The following ZNRF1 variants were observed in gnomAD, a reference collection of about 807,000 sequenced individuals.
ZNRF1 encodes the protein zinc and ring finger 1, also known as E3 ubiquitin-protein ligase ZNRF1.
Under a neutral mutation model 18.4 loss-of-function variants are expected in ZNRF1, and 3 were observed. The observed-to-expected ratio is 0.16, with a 90% CI of 0.07 to 0.42. The LOEUF is 0.42. ZNRF1 is among the 10% of genes least tolerant of loss of function. ZNRF1 has a pLI of 0.99. For synonymous variants in ZNRF1, 157 were observed against 144.2 expected (o/e 1.09, Z -0.64); for missense variants, 310 against 329.8 (o/e 0.94, Z 0.47).
At chr16:75,048,014 T>G (rs1278567059) in intron 1 of ZNRF1, among the ~76,000 whole-genome samples, 5 of 152,020 alleles carry the variant, frequency 3.3e-5, no homozygotes, top group Admixed American at 6.6e-5. Context: ...TGCAGTGGTG[T>G]GATCATGGCT....
intron 4 of ZNRF1, chr16:75,107,482 GA>G (rs1473539245): frequency 3.1e-6 from 1 of 322,454 alleles, no homozygotes; most frequent in African/African-American, 2.2e-5. Context: ...ACAAATCAGG[GA>G]CATTTGCTCT....
chr16:75,045,786 G>A (rs1232627084), intron 1 of ZNRF1, among the ~76,000 whole-genome samples: 1 of 151,064 alleles, frequency 6.6e-6, no homozygotes, highest in Admixed American at 6.6e-5. Flanking sequence ...CATGATCATG[G>A]CTCACTGCAG....
chr16:75,074,612 G>A (rs2035915281), intron 1 of ZNRF1, among the ~76,000 whole-genome samples: 1 of 152,122 alleles, frequency 6.6e-6, no homozygotes. Context: ...ACACCAAGAC[G>A]ACACGCTTGA....
chr16:75,002,801 T>A (rs1435009474), intron 1 of ZNRF1, among the ~76,000 whole-genome samples: 1 of 152,258 alleles, frequency 6.6e-6, no homozygotes, highest in Non-Finnish European at 1.5e-5. Context: ...GACTTCCCTG[T>A]GCTGTGACCC....
intron 1 of ZNRF1, among the ~76,000 whole-genome samples, chr16:75,061,365 T>G (rs60794803): frequency 6.6e-6 from 1 of 152,126 alleles, no homozygotes; most frequent in Non-Finnish European, 1.5e-5. Context: ...AATTCAATTG[T>G]TTTGGTTTTT....
rs1446388768 is a variant in ZNRF1, at chr16:75,109,943, C to T, written c.*2243C>T. ...ACCAGCAAAGCTGGCGAGGCAGGGC[C>T]CAGCCCTGAAGGAGATCTCCTTGCC... On this transcript the variant is annotated 3_prime_UTR_variant, in exon 5 of 5. Coordinates refer to ENST00000335325, the MANE Select transcript of ZNRF1 (RefSeq NM_032268.5). The T allele has an allele frequency of 6.6e-6, 1 of 152,378 alleles. No homozygotes were observed. The highest frequency in any genetic ancestry group is 6.5e-5 in the Admixed American group (1 of 15,286). 9.4% of individuals were successfully genotyped at this position (152,378 alleles called of 1,614,324 possible). A position where few individuals can be genotyped will look rare whatever the true frequency, so the allele number is the denominator to read the frequency against.
At chr16:75,007,150 A>G (rs1051086269) in intron 1 of ZNRF1, among the ~76,000 whole-genome samples, 2 of 149,498 alleles carry the variant, frequency 1.3e-5, no homozygotes, top group African/African-American at 5.0e-5. Context: ...CTCAGCCTGT[A>G]GGGCTCAAGC....
chr16:75,047,153 G>C (rs1461339431), intron 1 of ZNRF1, among the ~76,000 whole-genome samples: 1 of 152,150 alleles, frequency 6.6e-6, no homozygotes, highest in Non-Finnish European at 1.5e-5. Flanking sequence ...TTAATATGTG[G>C]ATAAATATAC....
intron 1 of ZNRF1, among the ~76,000 whole-genome samples, chr16:75,044,810 A>G (rs2035493778): frequency 6.6e-6 from 1 of 152,264 alleles, no homozygotes; most frequent in South Asian, 2.1e-4. Flanking sequence ...TGAACCATGA[A>G]TGGAATTCTT....
chr16:75,028,362 C>T lies in ZNRF1; in HGVS notation c.424+28267C>T, dbSNP rs550296714. ...AGGCTAGAGTGCAATGGCGTGATGT[C>T]GGCTCACTGCAACCTCTGTCTCCTG... On this transcript the variant is annotated intron_variant, in intron 1 of 4. Transcript: ENST00000335325. 2.0e-5 allele frequency among the ~76,000 whole-genome samples: 3 copies of T among 152,288 alleles called. No individual in the cohort carries two copies. In the South Asian group the frequency reaches 6.2e-4, roughly 32 times the overall value.
intron 1 of ZNRF1, among the ~76,000 whole-genome samples, chr16:75,082,928 A>T (rs1471211932): frequency 6.6e-6 from 1 of 152,180 alleles, no homozygotes; most frequent in Non-Finnish European, 1.5e-5. Context: ...TGTATTTTTC[A>T]TATGTTCATT....
chr16:75,007,816 C>G (rs529505400), intron 1 of ZNRF1, among the ~76,000 whole-genome samples: 1 of 152,278 alleles, frequency 6.6e-6, no homozygotes, highest in East Asian at 1.9e-4. Context: ...GAGAAATAAA[C>G]TTTGAATCCT....
intron 1 of ZNRF1, among the ~76,000 whole-genome samples, chr16:75,064,638 C>A (rs73614068): frequency 0.023 from 3,554 of 152,154 alleles, 160 homozygotes; most frequent in African/African-American, 0.082. Flanking sequence ...CTCCCAGAAC[C>A]TGCCTGGCAC....
At position 75,108,769 on chromosome 16, in the gene ZNRF1, C is replaced by T. The variant is rs186243071; in HGVS notation, c.*1069C>T. 1.8e-5 allele frequency: 7 copies of T among 380,250 alleles called. No homozygotes were observed. In the East Asian group the frequency reaches 2.6e-4, roughly 14 times the overall value. The allele number at this position is 380,250 out of a possible 1,614,324, so 23.6% of individuals were successfully genotyped here. A position where few individuals can be genotyped will look rare whatever the true frequency, so the allele number is the denominator to read the frequency against. The stretch of plus-strand genomic sequence containing the variant: ...TACAATCAAGAAATGGGGGCAAGGG[C>T]CTGCCCCCCACTCCCTCACCTACCT... On this transcript the variant is annotated 3_prime_UTR_variant, in exon 5 of 5. Transcript: ENST00000335325.
intron 1 of ZNRF1, among the ~76,000 whole-genome samples, chr16:75,058,320 T>G (rs946488150): frequency 3.9e-5 from 6 of 152,058 alleles, no homozygotes; most frequent in Non-Finnish European, 8.8e-5. Context: ...GCTGGTCCCT[T>G]GAGGTGAGCT....
At chr16:75,000,401 T>C in intron 1 of ZNRF1, 1 of 565,636 alleles carries the variant, frequency 1.8e-6, no homozygotes, top group South Asian at 1.5e-5. Context: ...CGTGTCTGGC[T>C]GAGAGCAAGT....
intron 2 of ZNRF1, among the ~76,000 whole-genome samples, chr16:75,094,425 C>G (rs576490496): frequency 6.6e-6 from 1 of 152,228 alleles, no homozygotes. Context: ...GCCTAGCATG[C>G]TGTGCATAAG....
At chr16:75,084,041 C>T (rs2145413727) in intron 1 of ZNRF1, among the ~76,000 whole-genome samples, 1 of 152,316 alleles carries the variant, frequency 6.6e-6, no homozygotes, top group African/African-American at 2.4e-5. Flanking sequence ...ACCATTGTTA[C>T]TCAGGGACCT....
intron 1 of ZNRF1, among the ~76,000 whole-genome samples, chr16:75,063,890 C>A (rs1375735015): frequency 6.6e-6 from 1 of 152,174 alleles, no homozygotes. Flanking sequence ...GTATCTGCCC[C>A]CCTCATGCTA....
Sources: gnomAD v4.1 joint callset for allele counts (sites outside exome capture counted in the v4.1 genomes callset) on GRCh38, gnomAD v4.1.1 for gene constraint, MANE v1.5 for transcripts, NCBI Gene and HGNC (gene_info 2026-07-23, HGNC 2026-07-21) for gene names.